The following DLG1 variants were observed in gnomAD, a reference collection of about 807,000 sequenced individuals.
DLG1 encodes discs large MAGUK scaffold protein 1.
A neutral mutation model predicts 123.4 loss-of-function variants in DLG1; 42 were observed. The ratio of observed to expected loss-of-function variants is 0.34; its 90% confidence interval spans 0.27 to 0.44. DLG1 has a LOEUF of 0.44. DLG1 is among the 20% of genes least tolerant of loss of function. The pLI is 1.00. For synonymous variants in DLG1, 317 were observed against 356.2 expected, an observed-to-expected ratio of 0.89 and a Z score of 1.24; for missense variants, 942 against 1,082.6, an observed-to-expected ratio of 0.87 and a Z score of 1.82.
chr3:197,105,314 G>A (rs914596751), intron 13 of DLG1, among the ~76,000 whole-genome samples: 1 of 152,116 alleles, frequency 6.6e-6, no homozygotes, highest in Non-Finnish European at 1.5e-5. Context: ...GAAAAATCAA[G>A]TGGCATCATT....
intron 23 of DLG1, among the ~76,000 whole-genome samples, chr3:197,056,440 T>C (rs1278410373): frequency 6.6e-6 from 1 of 152,246 alleles, no homozygotes; most frequent in East Asian, 1.9e-4. Flanking sequence ...CTTTCCTATA[T>C]AGTCCCTTCC....
intron 4 of DLG1, among the ~76,000 whole-genome samples, chr3:197,251,475 T>C (rs1754437126): frequency 6.6e-6 from 1 of 152,114 alleles, no homozygotes; most frequent in African/African-American, 2.4e-5. Flanking sequence ...AATCCAGGTA[T>C]AAATTCATGC....
chr3:197,199,722 G>A (rs1392623487), intron 4 of DLG1, among the ~76,000 whole-genome samples: 2 of 152,022 alleles, frequency 1.3e-5, no homozygotes, highest in Admixed American at 6.6e-5. Context: ...TTATCTAAAG[G>A]TTTATCTCAG....
At chr3:197,128,566 C>T (rs1343583301) in intron 11 of DLG1, among the ~76,000 whole-genome samples, 3 of 152,216 alleles carry the variant, frequency 2.0e-5, no homozygotes. Flanking sequence ...TCCTTAAAGG[C>T]ATCTAGACTG....
intron 7 of DLG1, among the ~76,000 whole-genome samples, chr3:197,142,169 T>C (rs1434645190): frequency 1.3e-5 from 2 of 152,196 alleles, no homozygotes; most frequent in South Asian, 2.1e-4. Flanking sequence ...ATGTTACTAG[T>C]ATACTACTTA....
chr3:197,051,562 C>G lies in DLG1; in HGVS notation c.2575+15G>C. On this transcript the variant is annotated intron_variant, in intron 24 of 24. Transcript: ENST00000667157. ...AATTCTATCTTAAAGAGGACTGTTA[C>G]AACACGGTTCCAACCTGTGAAATGT... 6.2e-7 allele frequency: 1 copy of G among 1,606,444 alleles called. No homozygotes were observed. Among genetic ancestry groups the G allele is most frequent in the Non-Finnish European group, 8.5e-7 (1 of 1,173,628 alleles).
intron 4 of DLG1, among the ~76,000 whole-genome samples, chr3:197,212,584 G>C (rs1731834374): frequency 6.6e-6 from 1 of 152,190 alleles, no homozygotes; most frequent in African/African-American, 2.4e-5. Flanking sequence ...GCATCACTCT[G>C]ATCTCTGCCT....
intron 13 of DLG1, among the ~76,000 whole-genome samples, chr3:197,115,682 C>T (rs3773845): frequency 0.39 from 59,986 of 151,884 alleles, 12,427 homozygotes; most frequent in East Asian, 0.74. Flanking sequence ...GCAAACTTTC[C>T]AGTCAATAAA....
intron 5 of DLG1, among the ~76,000 whole-genome samples, chr3:197,168,969 T>TA (rs1802743353): frequency 6.6e-6 from 1 of 152,234 alleles, no homozygotes; most frequent in Non-Finnish European, 1.5e-5. Flanking sequence ...AAGTACCTTT[T>TA]AAAAACCAGT....
At chr3:197,084,836 G>C (rs942411543) in intron 16 of DLG1, among the ~76,000 whole-genome samples, 1 of 151,490 alleles carries the variant, frequency 6.6e-6, no homozygotes, top group African/African-American at 2.4e-5. Context: ...TCCCAGGCTG[G>C]AGTGCAGTGG....
intron 1 of DLG1, chr3:197,297,617 G>C (rs1030983735): frequency 2.0e-6 from 2 of 1,009,738 alleles, no homozygotes; most frequent in Non-Finnish European, 2.4e-6. Flanking sequence ...AGAGCGCTGA[G>C]AGGGGACCAG....
At chr3:197,282,231 T>C (rs1769728444) in intron 4 of DLG1, among the ~76,000 whole-genome samples, 1 of 152,232 alleles carries the variant, frequency 6.6e-6, no homozygotes, top group Non-Finnish European at 1.5e-5. Flanking sequence ...CTTCAGTCTC[T>C]AGTGAGTTTG....
chr3:197,246,469 T>C (rs1461750600), intron 4 of DLG1, among the ~76,000 whole-genome samples: 1 of 152,128 alleles, frequency 6.6e-6, no homozygotes, highest in African/African-American at 2.4e-5. Context: ...TACCTTTTGA[T>C]TTAAGATTGT....
intron 5 of DLG1, among the ~76,000 whole-genome samples, chr3:197,193,128 T>C (rs1720562407): frequency 6.6e-6 from 1 of 151,876 alleles, no homozygotes; most frequent in Non-Finnish European, 1.5e-5. Context: ...TAAGAAATGA[T>C]CCTTAATGAA....
intron 4 of DLG1, 94 bp from the exon 5 acceptor site, chr3:197,194,683 G>T: frequency 1.3e-6 from 1 of 795,190 alleles, no homozygotes; most frequent in Non-Finnish European, 1.9e-6. Flanking sequence ...TCAATATTTA[G>T]CAATATAAAA....
chr3:197,120,264 C>T (rs1228276314), intron 11 of DLG1, among the ~76,000 whole-genome samples: 1 of 114,266 alleles, frequency 8.8e-6, no homozygotes, highest in Non-Finnish European at 1.8e-5. Flanking sequence ...GATGCCCTGT[C>T]TCGAGAAAGA....
At chr3:197,160,497 G>A (rs141543874) in intron 5 of DLG1, among the ~76,000 whole-genome samples, 430 of 151,580 alleles carry the variant, frequency 2.8e-3, no homozygotes, top group Non-Finnish European at 4.6e-3. Flanking sequence ...TTTTTTTCCT[G>A]CAATATAGAG....
intron 11 of DLG1, among the ~76,000 whole-genome samples, chr3:197,128,730 G>A (rs1157766236): frequency 2.6e-5 from 4 of 152,234 alleles, no homozygotes; most frequent in African/African-American, 9.6e-5. Context: ...CAGAGTGGAT[G>A]ACAAGTTAGT....
At chr3:197,131,142 T>C (rs887316832) in intron 10 of DLG1, among the ~76,000 whole-genome samples, 11 of 152,328 alleles carry the variant, frequency 7.2e-5, no homozygotes, top group Non-Finnish European at 1.5e-4. Context: ...TCATAATTTA[T>C]TAAAGATCAT....
Sources: allele counts gnomAD v4.1 joint callset (sites outside exome capture counted in the v4.1 genomes callset), GRCh38; gene constraint gnomAD v4.1.1; transcripts MANE v1.5; gene names NCBI Gene and HGNC (gene_info 2026-07-23, HGNC 2026-07-21).